The following S100B variants were observed in gnomAD, a reference collection of about 807,000 sequenced individuals.
The protein encoded by S100B is protein S100-B.
In S100B, 6 loss-of-function variants were observed where a neutral mutation model predicts 7.7. That is an observed-to-expected ratio of 0.78 (90% confidence interval 0.43 to 1.54). S100B has a LOEUF of 1.54. S100B is among the 40% of genes most tolerant of loss of function. S100B has a pLI of 0.01. For synonymous variants in S100B, 36 were observed against 40.4 expected (o/e 0.89, Z 0.41); for missense variants, 99 against 111.8 (o/e 0.89, Z 0.52).
intron 2 of S100B, chr21:46,600,171 C>A: frequency 3.5e-6 from 1 of 285,858 alleles, no homozygotes; most frequent in Non-Finnish European, 6.9e-6. Context: ...AGCATAAATG[C>A]AGAGTAACAA....
intron 1 of S100B, among the ~76,000 whole-genome samples, chr21:46,603,978 T>A (rs965729926): frequency 5.3e-5 from 8 of 152,246 alleles, no homozygotes; most frequent in Non-Finnish European, 1.0e-4. Context: ...TGTATTTTTT[T>A]AAACAAAACA....
At chr21:46,601,812 T>A (rs905085864) in intron 2 of S100B, among the ~76,000 whole-genome samples, 14 of 152,260 alleles carry the variant, frequency 9.2e-5, no homozygotes, top group Admixed American at 8.5e-4. Flanking sequence ...AAGCCATGTC[T>A]GTCGTGCCTG....
chr21:46,599,414 G>C lies in S100B; in HGVS notation c.228C>G (p.Ala76=). The change falls in exon 3 of 3, where the codon GCC becomes GCG. Residue 76 remains alanine, a synonymous_variant. Transcript: ENST00000291700. The stretch of plus-strand genomic sequence containing the variant: ...AGGCAGTAGTAACCATGGCAACAAA[G>C]GCCATGAATTCCTGGAAGTCACATT... ...DGECDFQEFM[A]FVAMVTTACH... The C allele has an allele frequency of 6.2e-7, 1 of 1,613,648 alleles. No individual in the cohort carries two copies. The highest frequency in any genetic ancestry group is 8.5e-7 in the Non-Finnish European group (1 of 1,179,578).
intron 1 of S100B, chr21:46,602,993 T>C (rs983283817): frequency 6.6e-6 from 1 of 152,174 alleles, no homozygotes; most frequent in African/African-American, 2.4e-5. Context: ...TAACATGTGA[T>C]CTAAGACTAA....
intron 1 of S100B, chr21:46,602,666 T>C (rs888864519): frequency 1.6e-5 from 6 of 367,414 alleles, no homozygotes; most frequent in Admixed American, 8.7e-5. Context: ...GGGGATATAT[T>C]CCCATGCCCT....
intron 1 of S100B, among the ~76,000 whole-genome samples, chr21:46,603,399 G>GGC (rs1555923759): frequency 2.1e-5 from 2 of 97,214 alleles, no homozygotes; most frequent in Non-Finnish European, 4.3e-5. Flanking sequence ...GGGAGGGGGT[G>GGC]GGGGCAGGAA....
intron 2 of S100B, among the ~76,000 whole-genome samples, chr21:46,601,811 C>T (rs2061042070): frequency 6.6e-6 from 1 of 152,266 alleles, no homozygotes; most frequent in Admixed American, 6.5e-5. Context: ...GAAGCCATGT[C>T]TGTCGTGCCT....
In S100B at chr21:46,603,392, A is replaced by AGGGGGTGGGGGGGGGGGGGGGCGGGG. The variant is rs796474856; in HGVS notation, c.-1-977_-1-976insCCCCGCCCCCCCCCCCCCCCACCCCC. ...TCACTGCAGTGACTGGGACGGCGGG[A>AGGGGGTGGGGGGGGGGGGGGGCGGGG]GGGGGTGGGGGCAGGAATAGGTGTT... On this transcript the variant is annotated intron_variant, in intron 1 of 2. Transcript: ENST00000291700. 5.2e-5 allele frequency among the ~76,000 whole-genome samples: 2 copies of AGGGGGTGGGGGGGGGGGGGGGCGGGG among 38,206 alleles called. 1 individual carries two copies. 25.1% of individuals were successfully genotyped at this position (38,206 alleles called of 152,430 possible).
chr21:46,602,126 G>A (rs1428051559), intron 2 of S100B, 152 bp downstream of exon 2: 1 of 669,654 alleles, frequency 1.5e-6, no homozygotes. Flanking sequence ...CACACTGAGG[G>A]TTCCGTTACT....
At chr21:46,601,257 G>C (rs1035174588) in intron 2 of S100B, among the ~76,000 whole-genome samples, 6 of 152,190 alleles carry the variant, frequency 3.9e-5, no homozygotes, top group African/African-American at 1.4e-4. Flanking sequence ...ATTTATCCTG[G>C]AATAGGGCTT....
At position 46,602,367 on chromosome 21, in the gene S100B, G is replaced by C; in HGVS notation, c.49C>G (p.Gln17Glu). Residue 17 changes from glutamine (Q) to glutamate (E), a missense_variant, in exon 2 of 3, where the codon CAA becomes GAA. Transcript: ENST00000291700. ...AMVALIDVFH[Q>E]YSGREGDKHK... The stretch of plus-strand genomic sequence containing the variant: ...TTGTCTCCCTCCCTTCCAGAATATT[G>C]GTGGAAAACGTCGATGAGGGCCACC... 1 of 1,613,986 alleles carries C rather than the reference G, an allele frequency of 6.2e-7. No individual in the cohort carries two copies. Among genetic ancestry groups the C allele is most frequent in the Non-Finnish European group, 8.5e-7 (1 of 1,179,916 alleles).
intron 2 of S100B, 115 bp downstream of exon 2, chr21:46,602,163 G>A (rs1332238900): frequency 1.0e-6 from 1 of 980,464 alleles, no homozygotes; most frequent in Non-Finnish European, 1.5e-6. Context: ...AGCAGCCCAG[G>A]AGTCTTGGAA....
intron 1 of S100B, among the ~76,000 whole-genome samples, chr21:46,603,392 A>AGGGGGTGGGGGGGGCGGGG (rs796474856): frequency 5.2e-5 from 2 of 38,206 alleles, no homozygotes; most frequent in African/African-American, 1.0e-4. Context: ...GGACGGCGGG[A>AGGGGGTGGGGGGGGCGGGG]GGGGGTGGGG....
At chr21:46,601,284 G>A (rs566389060) in intron 2 of S100B, among the ~76,000 whole-genome samples, 2 of 152,312 alleles carry the variant, frequency 1.3e-5, no homozygotes, top group South Asian at 2.1e-4. Flanking sequence ...ACACTAGTGC[G>A]CTGGCTCATT....
At chr21:46,603,392 A>AGGGGGTGGCGGGAGGGGGGGGCGGGG (rs1555923736) in intron 1 of S100B, among the ~76,000 whole-genome samples, 5 of 38,204 alleles carry the variant, frequency 1.3e-4, no homozygotes, top group Non-Finnish European at 2.5e-4. Flanking sequence ...GGACGGCGGG[A>AGGGGGTGGCGGGAGGGGGGGGCGGGG]GGGGGTGGGG....
At chr21:46,600,342 A>G in intron 2 of S100B, 1 of 436,472 alleles carries the variant, frequency 2.3e-6, no homozygotes, top group Non-Finnish European at 4.6e-6. Context: ...AGGAAGTTTG[A>G]GACCAGCCTG....
chr21:46,603,392 A>AGGGGGGGGGGGGAGGG (rs1555923741), intron 1 of S100B, among the ~76,000 whole-genome samples: 1 of 38,204 alleles, frequency 2.6e-5, no homozygotes, highest in African/African-American at 1.0e-4. Context: ...GGACGGCGGG[A>AGGGGGGGGGGGGAGGG]GGGGGTGGGG....
intron 2 of S100B, chr21:46,600,464 G>A (rs1205758658): frequency 2.7e-6 from 1 of 371,376 alleles, no homozygotes; most frequent in Non-Finnish European, 5.3e-6. Context: ...AGGATCGCTT[G>A]AGCCTGGGAG....
At chr21:46,602,600 C>T (rs2061044763) in intron 1 of S100B, 184 bp from the exon 2 acceptor site, 1 of 562,320 alleles carries the variant, frequency 1.8e-6, no homozygotes, top group African/African-American at 1.9e-5. Flanking sequence ...TATCATAATC[C>T]TTCCACCGGC....
Sources: allele counts gnomAD v4.1 joint callset (sites outside exome capture counted in the v4.1 genomes callset), GRCh38; gene constraint gnomAD v4.1.1; transcripts MANE v1.5; gene names NCBI Gene and HGNC (gene_info 2026-07-23, HGNC 2026-07-21).